WRAP73: variants seen among roughly 807,000 people sequenced by gnomAD.
WRAP73 encodes the protein WD repeat-containing protein WRAP73.
A neutral mutation model predicts 59.6 loss-of-function variants in WRAP73; 55 were observed. The ratio of observed to expected loss-of-function variants is 0.92; its 90% CI spans 0.74 to 1.15. WRAP73 has a LOEUF of 1.15. WRAP73 is among the 50% of genes most tolerant of loss of function. The pLI is 0.00. For missense variants in WRAP73, 592 were observed against 608.1 expected, an observed-to-expected ratio of 0.97 and a Z score of 0.28; for synonymous variants, 265 against 258.2, an observed-to-expected ratio of 1.03 and a Z score of -0.25.
chr1:3,638,606 T>C, intron 4 of WRAP73, 144 bp downstream of exon 4: 1 of 781,894 alleles, frequency 1.3e-6, no homozygotes, highest in Admixed American at 2.6e-5. Context: ...TGAGGAGACC[T>C]AAGGTCTCCT....
chr1:3,638,987 G>A lies in WRAP73; in HGVS notation c.340-165C>T, dbSNP rs1015236339. ...CCCTCCTACCGGAATATTCAAATGCGTATTTTACTGTGGTTACGGTAAATT... is the reference window on the plus strand; with the variant it reads ...CCCTCCTACCGGAATATTCAAATGCATATTTTACTGTGGTTACGGTAAATT... On this transcript the variant is annotated intron_variant, in intron 3 of 11. Coordinates refer to ENST00000270708, the MANE Select transcript of WRAP73 (RefSeq NM_017818.4). The A allele has an allele frequency of 3.1e-5, 20 of 637,992 alleles. No individual in the cohort carries two copies. The East Asian group carries it at 3.5e-4, about 11-fold the overall frequency. The allele number at this position is 637,992 out of a possible 1,614,324, so 39.5% of individuals were successfully genotyped here. A position where few individuals can be genotyped will look rare whatever the true frequency, so the allele number is the denominator to read the frequency against.
Position 3,650,060 on chromosome 1 carries a change from C to G in WRAP73, c.-61G>C. 8 of 1,476,682 alleles carry G rather than the reference C, an allele frequency of 5.4e-6. No homozygotes were observed. The highest frequency in any genetic ancestry group is 2.3e-5 in the Admixed American group (1 of 43,346). 91.5% of individuals were successfully genotyped at this position (1,476,682 alleles called of 1,614,324 possible). A position where few individuals can be genotyped will look rare whatever the true frequency, so the allele number is the denominator to read the frequency against. On this transcript the variant is annotated 5_prime_UTR_variant, in exon 1 of 12. Transcript: ENST00000270708. ...AAAACCCGCGGGACCCCTGGGCGCG[C>G]AGCAGGCTGCAACAGCCGACGCCGG...
chr1:3,645,205 C>A (rs751026263), intron 3 of WRAP73, among the ~76,000 whole-genome samples: 17 of 152,256 alleles, frequency 1.1e-4, no homozygotes, highest in Non-Finnish European at 2.2e-4. Flanking sequence ...TTTATCCCAG[C>A]CGATGCCAGC....
intron 4 of WRAP73, among the ~76,000 whole-genome samples, 189 bp from the exon 5 acceptor site, chr1:3,637,287 G>A (rs553073589): frequency 1.3e-5 from 2 of 152,310 alleles, no homozygotes; most frequent in East Asian, 3.9e-4. Flanking sequence ...CCCAAGGCAC[G>A]GTGCCTTCAC....
In WRAP73 at chr1:3,639,054, T is replaced by C. The variant is rs1190095725; in HGVS notation, c.340-232A>G. The C allele has an allele frequency of 1.9e-6, 1 of 518,004 alleles. No homozygotes were observed. Among genetic ancestry groups the C allele is most frequent in the Non-Finnish European group, 3.4e-6 (1 of 295,554 alleles). 32.1% of individuals were successfully genotyped at this position (518,004 alleles called of 1,614,324 possible). A position where few individuals can be genotyped will look rare whatever the true frequency, so the allele number is the denominator to read the frequency against. On this transcript the variant is annotated intron_variant, in intron 3 of 11. Coordinates refer to ENST00000270708, the MANE Select transcript of WRAP73 (RefSeq NM_017818.4). This position sits in a 1 kb window ranked among gnomAD's most constrained non-coding sequence, Gnocchi z 4.3. ...CTGTTGTTGTTGTTTTATACCAAAA[T>C]TGAGTGACACAAAGTTAAATCCAAG...
chr1:3,632,987 T>C, intron 9 of WRAP73: 1 of 237,818 alleles, frequency 4.2e-6, no homozygotes, highest in African/African-American at 2.4e-5. Context: ...AACAGACACA[T>C]AGGAAATGCC....
Position 3,635,999 on chromosome 1 carries a change from C to T in WRAP73, c.548G>A (p.Gly183Glu), listed in dbSNP as rs1183683643. The T allele has an allele frequency of 6.2e-7, 1 of 1,614,044 alleles. No homozygotes were observed. Among genetic ancestry groups the T allele is most frequent in the Admixed American group, 1.7e-5 (1 of 60,026 alleles). ...HFDTDTQDLTGIEWAPNGCVL... is the reference protein window; with the variant it reads ...HFDTDTQDLTEIEWAPNGCVL... ...ACAGCCGTTTGGGGCCCACTCAATC[C>T]CTGTGAGATCCTGGGTGTCCGTATC... The change falls in exon 6 of 12, where the codon GGG becomes GAG. Residue 183 changes from glycine (G) to glutamate (E), a missense_variant. By Grantham distance (98) the Gly-to-Glu change is moderately conservative. Transcript: ENST00000270708.
At chr1:3,636,224 G>A (rs745715327) in intron 5 of WRAP73, 194 bp from the exon 6 acceptor site, 18 of 588,092 alleles carry the variant, frequency 3.1e-5, no homozygotes, top group Non-Finnish European at 4.5e-5. Context: ...AGATGCCAGC[G>A]TCAGTGCCTG....
chr1:3,641,722 T>C (rs1644648472), intron 3 of WRAP73, among the ~76,000 whole-genome samples: 1 of 152,252 alleles, frequency 6.6e-6, no homozygotes, highest in African/African-American at 2.4e-5. Flanking sequence ...TGAATTCTCT[T>C]GCTTATAAAT....
At chr1:3,633,954 G>C (rs918991311) in intron 8 of WRAP73, 1 of 162,044 alleles carries the variant, frequency 6.2e-6, no homozygotes, top group African/African-American at 2.4e-5. Context: ...AGTGGAAGGC[G>C]GGCAGCCCCT....
Position 3,646,603 on chromosome 1 carries a change from G to T in WRAP73, c.339+63C>A. The stretch of plus-strand genomic sequence containing the variant: ...AACACACCCCCTCTCGCACTCCCCA[G>T]CTGTTTCGAGAGCAGAGGACAGGAT... On this transcript the variant is annotated intron_variant, in intron 3 of 11. Coordinates refer to ENST00000270708, the MANE Select transcript of WRAP73 (RefSeq NM_017818.4). The surrounding 1 kb of genome is among the most constrained non-coding windows in gnomAD (Gnocchi z 5.1). The T allele has an allele frequency of 7.1e-7, 1 of 1,409,978 alleles. No individual in the cohort carries two copies. Among genetic ancestry groups the T allele is most frequent in the Non-Finnish European group, 9.8e-7 (1 of 1,019,784 alleles). 87.3% of individuals were successfully genotyped at this position (1,409,978 alleles called of 1,614,324 possible).
intron 1 of WRAP73, among the ~76,000 whole-genome samples, chr1:3,648,732 G>A (rs1416342125): frequency 6.6e-6 from 1 of 152,172 alleles, no homozygotes; most frequent in East Asian, 1.9e-4. Flanking sequence ...AGTTAAGCAA[G>A]CAGATGTAAT....
chr1:3,645,731 C>T (rs1441266663), intron 3 of WRAP73, among the ~76,000 whole-genome samples: 1 of 152,218 alleles, frequency 6.6e-6, no homozygotes, highest in East Asian at 1.9e-4. Context: ...TGACATATGC[C>T]TAATTTTAAC....
chr1:3,643,332 C>G (rs1432798349), intron 3 of WRAP73, among the ~76,000 whole-genome samples: 2 of 152,236 alleles, frequency 1.3e-5, no homozygotes, highest in Admixed American at 1.3e-4. Flanking sequence ...AGACGTGGGG[C>G]AAAGGTGCCC....
chr1:3,638,405 T>C (rs1164810418), intron 4 of WRAP73, among the ~76,000 whole-genome samples: 1 of 152,216 alleles, frequency 6.6e-6, no homozygotes, highest in Non-Finnish European at 1.5e-5. Flanking sequence ...ATGCCTGAGG[T>C]GGGCCTCTCA....
At chr1:3,648,151 C>T (rs558778161) in intron 1 of WRAP73, among the ~76,000 whole-genome samples, 6 of 152,320 alleles carry the variant, frequency 3.9e-5, no homozygotes, top group Admixed American at 6.5e-5. Flanking sequence ...ATTCCTAACA[C>T]GAAACGGGAA....
chr1:3,633,152 C>T (rs1211893849), intron 9 of WRAP73: 1 of 469,742 alleles, frequency 2.1e-6, no homozygotes, highest in African/African-American at 2.0e-5. Context: ...CCCCTCGGAG[C>T]TCCCGCTGTC....
At chr1:3,645,815 CAGCACGGAGG>C (rs983760745) in intron 3 of WRAP73, among the ~76,000 whole-genome samples, 1 of 152,190 alleles carries the variant, frequency 6.6e-6, no homozygotes, top group Non-Finnish European at 1.5e-5. Context: ...GCGCTGAGCT[CAGCACGGAGG>C]CTGTTGTGCG....
At chr1:3,631,765 G>C in intron 10 of WRAP73, 108 bp from the exon 11 acceptor site, 1 of 1,470,396 alleles carries the variant, frequency 6.8e-7, no homozygotes, top group Non-Finnish European at 9.0e-7. Flanking sequence ...GGGAAGAACC[G>C]GTGGGGTGGG....
Sources: allele counts gnomAD v4.1 joint callset (sites outside exome capture counted in the v4.1 genomes callset), GRCh38; gene constraint gnomAD v4.1.1; non-coding constraint Gnocchi (gnomAD v3.1); transcripts MANE v1.5; gene names NCBI Gene and HGNC (gene_info 2026-07-23, HGNC 2026-07-21).